CPPED1: variants seen among roughly 807,000 people sequenced by gnomAD.
CPPED1 encodes the protein serine/threonine-protein phosphatase CPPED1.
A neutral mutation model predicts 28.0 loss-of-function variants in CPPED1; 28 were observed. The observed-to-expected ratio is 1.00, with a 90% CI of 0.74 to 1.37. The LOEUF (loss-of-function observed/expected upper bound fraction) is 1.37, where lower values mean the gene tolerates loss of function less well. Ranked by LOEUF, CPPED1 falls within the 40% of genes most tolerant of loss-of-function variation. The pLI is 0.00. For synonymous variants in CPPED1, 198 were observed against 180.2 expected (o/e 1.10, Z -0.79); for missense variants, 504 against 416.5 (o/e 1.21, Z -1.83).
chr16:12,739,066 G>C (rs528005880), intron 2 of CPPED1, among the ~76,000 whole-genome samples: 4 of 152,136 alleles, frequency 2.6e-5, no homozygotes, highest in African/African-American at 2.4e-5. Context: ...GCTGCTTACC[G>C]AGCTGTGTAA....
At chr16:12,765,316 T>G (rs893399844) in intron 2 of CPPED1, among the ~76,000 whole-genome samples, 1 of 152,164 alleles carries the variant, frequency 6.6e-6, no homozygotes, top group Non-Finnish European at 1.5e-5. Context: ...AAATTACACA[T>G]GTTATCAGAC....
intron 2 of CPPED1, among the ~76,000 whole-genome samples, chr16:12,775,515 T>G (rs1440541302): frequency 1.3e-5 from 2 of 152,170 alleles, no homozygotes; most frequent in African/African-American, 4.8e-5. Flanking sequence ...TCAAAAAGTT[T>G]CACATTTTGA....
chr16:12,671,906 C>T (rs910634047), intron 3 of CPPED1, among the ~76,000 whole-genome samples: 4 of 152,122 alleles, frequency 2.6e-5, no homozygotes, highest in African/African-American at 4.8e-5. Context: ...CAGTGATGGA[C>T]GCCATATATG....
At chr16:12,675,269 CTTAA>C (rs1006156059) in intron 3 of CPPED1, among the ~76,000 whole-genome samples, 1 of 152,150 alleles carries the variant, frequency 6.6e-6, no homozygotes, top group Non-Finnish European at 1.5e-5. Flanking sequence ...TCTATGGTTC[CTTAA>C]TTGAGTATTA....
intron 3 of CPPED1, among the ~76,000 whole-genome samples, chr16:12,686,316 C>T (rs141777597): frequency 2.6e-4 from 40 of 151,948 alleles, no homozygotes; most frequent in African/African-American, 9.7e-4. Context: ...TGATCTTCCT[C>T]CCTCAGCTTC....
chr16:12,749,623 C>T (rs181755351), intron 2 of CPPED1, among the ~76,000 whole-genome samples: 9 of 152,228 alleles, frequency 5.9e-5, no homozygotes, highest in Non-Finnish European at 1.2e-4. Flanking sequence ...TGGAGTCTCA[C>T]TCTACACCCA....
chr16:12,685,058 C>G (rs776405556), intron 3 of CPPED1, among the ~76,000 whole-genome samples: 1 of 152,180 alleles, frequency 6.6e-6, no homozygotes, highest in African/African-American at 2.4e-5. Flanking sequence ...GACAGTGGAA[C>G]GAGCACCGAC....
At chr16:12,732,112 G>T (rs911809597) in intron 2 of CPPED1, among the ~76,000 whole-genome samples, 1 of 151,280 alleles carries the variant, frequency 6.6e-6, no homozygotes, top group Admixed American at 6.6e-5. Context: ...AGCCGAAATC[G>T]CACTCCAGCC....
chr16:12,675,482 A>G (rs2079873416), intron 3 of CPPED1, among the ~76,000 whole-genome samples: 1 of 152,190 alleles, frequency 6.6e-6, no homozygotes, highest in Non-Finnish European at 1.5e-5. Context: ...AGCTATCTTG[A>G]TTCAAGTTCA....
chr16:12,796,311 C>T (rs954490482), intron 1 of CPPED1, among the ~76,000 whole-genome samples: 7 of 151,778 alleles, frequency 4.6e-5, no homozygotes, highest in Non-Finnish European at 8.8e-5. Context: ...CTGGCCAACA[C>T]GGTGAAACCC....
At chr16:12,674,917 C>T (rs1410240794) in intron 3 of CPPED1, among the ~76,000 whole-genome samples, 2 of 152,198 alleles carry the variant, frequency 1.3e-5, no homozygotes, top group Non-Finnish European at 2.9e-5. Context: ...CCAAGCTCCT[C>T]ATCGCCCCAC....
At chr16:12,751,496 C>T (rs2080328603) in intron 2 of CPPED1, among the ~76,000 whole-genome samples, 1 of 152,168 alleles carries the variant, frequency 6.6e-6, no homozygotes, top group South Asian at 2.1e-4. Flanking sequence ...ACCTTTCCTC[C>T]TTCGTAGAAT....
intron 2 of CPPED1, among the ~76,000 whole-genome samples, chr16:12,718,978 G>C (rs921087025): frequency 1.5e-4 from 23 of 151,934 alleles, no homozygotes; most frequent in Admixed American, 5.9e-4. Context: ...AGTTTCACGG[G>C]CTAATAGTTT....
chr16:12,738,297 T>G (rs758228946), intron 2 of CPPED1, among the ~76,000 whole-genome samples: 3 of 152,112 alleles, frequency 2.0e-5, no homozygotes, highest in Non-Finnish European at 4.4e-5. Context: ...AAAAAATTTT[T>G]AAAAATTAGG....
At chr16:12,800,206 G>C (rs1220601009) in intron 1 of CPPED1, among the ~76,000 whole-genome samples, 2 of 152,160 alleles carry the variant, frequency 1.3e-5, no homozygotes, top group African/African-American at 4.8e-5. Context: ...CCAGCACTTT[G>C]GGAGGCCGAG....
At chr16:12,764,663 G>T (rs184570482) in intron 2 of CPPED1, among the ~76,000 whole-genome samples, 1 of 152,262 alleles carries the variant, frequency 6.6e-6, no homozygotes, top group South Asian at 2.1e-4. Context: ...AATAAACCAT[G>T]AGCCTGGTGG....
At chr16:12,735,711 C>A (rs1319919593) in intron 2 of CPPED1, among the ~76,000 whole-genome samples, 3 of 152,216 alleles carry the variant, frequency 2.0e-5, no homozygotes, top group Non-Finnish European at 2.9e-5. Context: ...GAGCTTAGAA[C>A]AATGCCTGGA....
chr16:12,712,399 T>C (rs538369742), intron 2 of CPPED1, among the ~76,000 whole-genome samples: 14 of 152,316 alleles, frequency 9.2e-5, no homozygotes, highest in Admixed American at 3.3e-4. Context: ...GAAATATCCA[T>C]TTAAACTTTA....
chr16:12,742,837 T>A (rs779202863), intron 2 of CPPED1, among the ~76,000 whole-genome samples: 35 of 152,186 alleles, frequency 2.3e-4, no homozygotes, highest in Non-Finnish European at 3.4e-4. Context: ...CTGTGATTTA[T>A]CTCAGCAAAA....
Sources: allele counts gnomAD v4.1 joint callset (sites outside exome capture counted in the v4.1 genomes callset), GRCh38; gene constraint gnomAD v4.1.1; transcripts MANE v1.5; gene names NCBI Gene and HGNC (gene_info 2026-07-23, HGNC 2026-07-21).